Variants in DLGAP2 observed in about 807,000 individuals in gnomAD.
DLGAP2 encodes the protein DLG associated protein 2.
A neutral mutation model predicts 100.3 loss-of-function variants in DLGAP2; 26 were observed. That is an observed-to-expected ratio of 0.26 (90% CI 0.19 to 0.36). DLGAP2 has a LOEUF of 0.36. DLGAP2 is among the 10% of genes least tolerant of loss of function. The pLI, the probability that DLGAP2 is intolerant of heterozygous loss-of-function variation, is 1.00. For synonymous variants in DLGAP2, 886 were observed against 630.1 expected (o/e 1.41, Z -6.08); for missense variants, 1,858 against 1,453.2 (o/e 1.28, Z -4.53).
At chr8:1,536,774 G>A (rs543090647) in intron 4 of DLGAP2, among the ~76,000 whole-genome samples, 1 of 152,220 alleles carries the variant, frequency 6.6e-6, no homozygotes, top group African/African-American at 2.4e-5. Context: ...TCTCTCCCAA[G>A]TTTTCCCACC....
At chr8:1,653,937 A>T (rs1798224552) in intron 8 of DLGAP2, among the ~76,000 whole-genome samples, 1 of 152,084 alleles carries the variant, frequency 6.6e-6, no homozygotes, top group Non-Finnish European at 1.5e-5. Context: ...TGTTTTATTA[A>T]TTTTTTAATT....
At chr8:739,720 C>A (rs1049821346) in intron 1 of DLGAP2, 1 of 152,194 alleles carries the variant, frequency 6.6e-6, no homozygotes, top group African/African-American at 2.4e-5. Context: ...AGATTTGGCT[C>A]CAATAGTAAT....
At chr8:988,508 C>A (rs543250437) in intron 2 of DLGAP2, among the ~76,000 whole-genome samples, 1 of 152,352 alleles carries the variant, frequency 6.6e-6, no homozygotes, top group Admixed American at 6.5e-5. Context: ...TGTTTGGCAA[C>A]AACAGGCCTT....
intron 1 of DLGAP2, among the ~76,000 whole-genome samples, chr8:901,788 C>A (rs531102905): frequency 6.6e-6 from 1 of 152,214 alleles, no homozygotes; most frequent in Non-Finnish European, 1.5e-5. Flanking sequence ...AGCTTGAACC[C>A]TCCCAGGCTC....
At chr8:1,324,288 C>G (rs1014445326) in intron 3 of DLGAP2, among the ~76,000 whole-genome samples, 1 of 152,218 alleles carries the variant, frequency 6.6e-6, no homozygotes, top group Non-Finnish European at 1.5e-5. Flanking sequence ...TTTCATTGAG[C>G]TCCAGGCCAT....
chr8:1,667,131 A>C (rs1798564228), intron 8 of DLGAP2, among the ~76,000 whole-genome samples: 1 of 152,212 alleles, frequency 6.6e-6, no homozygotes, highest in African/African-American at 2.4e-5. Flanking sequence ...CCCTTCAAGA[A>C]GCACTTTTAT....
At position 1,639,315 on chromosome 8, in the gene DLGAP2, C is replaced by T. The variant is rs560351572; in HGVS notation, c.1810+6269C>T. ...GGGAGCCAGGAGGGATGGGGAGGGG[C>T]CACGGAGGGGAGTTCAACACTGCCC... On this transcript the variant is annotated intron_variant, in intron 8 of 14. Transcript: ENST00000637795. Among the ~76,000 whole-genome samples the T allele has an allele frequency of 2.4e-4, 37 of 152,240 alleles. No individual in the cohort carries two copies. The South Asian group carries it at 7.3e-3, about 30-fold the overall frequency.
intron 2 of DLGAP2, among the ~76,000 whole-genome samples, chr8:1,250,195 GC>G (rs1799006742): frequency 7.5e-6 from 1 of 133,248 alleles, no homozygotes; most frequent in African/African-American, 3.0e-5. Flanking sequence ...CTTAGGCTAA[GC>G]TCACTGTGAA....
chr8:1,392,840 G>A (rs558779837), intron 3 of DLGAP2, among the ~76,000 whole-genome samples: 1 of 149,700 alleles, frequency 6.7e-6, no homozygotes, highest in African/African-American at 2.5e-5. Context: ...CAAAGTGAAT[G>A]TATGTGTGTT....
At chr8:1,137,974 C>A (rs1183035781) in intron 2 of DLGAP2, among the ~76,000 whole-genome samples, 1 of 152,056 alleles carries the variant, frequency 6.6e-6, no homozygotes, top group Non-Finnish European at 1.5e-5. Flanking sequence ...TGGCCTCAAG[C>A]AATCCACCCG....
At chr8:1,542,132 C>G (rs912125762) in intron 4 of DLGAP2, among the ~76,000 whole-genome samples, 7 of 152,200 alleles carry the variant, frequency 4.6e-5, no homozygotes, top group African/African-American at 1.7e-4. Context: ...AGATCTTTTC[C>G]TGAGTTCTAA....
At chr8:892,790 T>A (rs1276141442) in intron 1 of DLGAP2, among the ~76,000 whole-genome samples, 1 of 152,132 alleles carries the variant, frequency 6.6e-6, no homozygotes, top group African/African-American at 2.4e-5. Context: ...AGCAGCAACA[T>A]CTCAGGTTTA....
chr8:843,808 TG>T (rs1210837578), intron 1 of DLGAP2, among the ~76,000 whole-genome samples: 1 of 152,246 alleles, frequency 6.6e-6, no homozygotes, highest in East Asian at 1.9e-4. Context: ...TTTCTGTCAC[TG>T]TGTCCTCGCT....
intron 3 of DLGAP2, among the ~76,000 whole-genome samples, chr8:1,362,539 A>G (rs942151399): frequency 6.6e-6 from 1 of 152,020 alleles, no homozygotes; most frequent in African/African-American, 2.4e-5. Flanking sequence ...CTTGGCTTCC[A>G]CACTAACCAT....
At chr8:1,073,192 C>T (rs2336694) in intron 2 of DLGAP2, among the ~76,000 whole-genome samples, 19 of 152,252 alleles carry the variant, frequency 1.2e-4, no homozygotes, top group Admixed American at 1.2e-3. Context: ...GAAATGACAC[C>T]AGCAAAACAT....
At chr8:902,208 G>GT (rs1439274277) in intron 1 of DLGAP2, among the ~76,000 whole-genome samples, 2 of 152,206 alleles carry the variant, frequency 1.3e-5, no homozygotes, top group Non-Finnish European at 2.9e-5. Context: ...GCCCAGCCAC[G>GT]TTCATTTATT....
chr8:968,802 C>A (rs1464335179), intron 2 of DLGAP2, among the ~76,000 whole-genome samples: 1 of 152,130 alleles, frequency 6.6e-6, no homozygotes, highest in Non-Finnish European at 1.5e-5. Flanking sequence ...GCTGCGACTC[C>A]ACGTATAATG....
intron 2 of DLGAP2, among the ~76,000 whole-genome samples, chr8:1,118,719 G>C (rs1447879682): frequency 6.6e-6 from 1 of 152,156 alleles, no homozygotes; most frequent in Admixed American, 6.5e-5. Flanking sequence ...AAAGAACTTG[G>C]AGATAAATAT....
intron 3 of DLGAP2, among the ~76,000 whole-genome samples, chr8:1,312,531 C>G (rs185613546): frequency 1.3e-5 from 2 of 152,130 alleles, no homozygotes; most frequent in Admixed American, 1.3e-4. Flanking sequence ...TTTCTGGGGG[C>G]TTGGGGGAGA....
Sources: gnomAD v4.1 joint callset for allele counts (sites outside exome capture counted in the v4.1 genomes callset) on GRCh38, gnomAD v4.1.1 for gene constraint, MANE v1.5 for transcripts, NCBI Gene and HGNC (gene_info 2026-07-23, HGNC 2026-07-21) for gene names.